The following SNTG1 variants were observed in gnomAD, a reference collection of about 807,000 sequenced individuals.
The protein encoded by SNTG1 is syntrophin gamma 1, also known as gamma-1-syntrophin.
SNTG1 carries 39 observed loss-of-function variants against 74.7 expected under a neutral mutation model. The ratio of observed to expected loss-of-function variants is 0.52; its 90% CI spans 0.40 to 0.68. SNTG1 has a LOEUF of 0.68. SNTG1 is among the 30% of genes least tolerant of loss of function. The pLI is 0.00. For missense variants in SNTG1, 685 were observed against 609.5 expected, an observed-to-expected ratio of 1.12 and a Z score of -1.30; for synonymous variants, 254 against 217.1, an observed-to-expected ratio of 1.17 and a Z score of -1.49.
chr8:50,511,895 G>T (rs1218694983), intron 9 of SNTG1, among the ~76,000 whole-genome samples: 1 of 152,044 alleles, frequency 6.6e-6, no homozygotes, highest in Non-Finnish European at 1.5e-5. Flanking sequence ...TCTTTTAATT[G>T]GAGCATTTAG....
chr8:50,458,213 G>T (rs2093526183), intron 8 of SNTG1: 2 of 144,258 alleles, frequency 1.4e-5, no homozygotes, highest in Non-Finnish European at 3.1e-5. Context: ...AAAAAAAACT[G>T]AGGAAACAGA....
At chr8:49,916,374 T>C (rs1159973607) in intron 1 of SNTG1, among the ~76,000 whole-genome samples, 1 of 152,192 alleles carries the variant, frequency 6.6e-6, no homozygotes, top group African/African-American at 2.4e-5. Flanking sequence ...GAAAATCATT[T>C]TGGGTCTCCT....
intron 2 of SNTG1, among the ~76,000 whole-genome samples, chr8:50,330,173 T>TGATA (rs1348618601): frequency 1.3e-5 from 2 of 152,154 alleles, no homozygotes; most frequent in Non-Finnish European, 2.9e-5. Context: ...GCTGTTCCTG[T>TGATA]GATAGTGAGT....
At chr8:50,215,092 G>GTCA (rs2084714685) in intron 2 of SNTG1, among the ~76,000 whole-genome samples, 1 of 152,024 alleles carries the variant, frequency 6.6e-6, no homozygotes, top group Non-Finnish European at 1.5e-5. Flanking sequence ...CCACCAGATG[G>GTCA]CCACATGTGC....
intron 15 of SNTG1, among the ~76,000 whole-genome samples, chr8:50,676,181 T>C (rs927347222): frequency 7.2e-5 from 11 of 152,058 alleles, no homozygotes. Context: ...GTGGCCTTTC[T>C]TGCTAGATTG....
intron 1 of SNTG1, among the ~76,000 whole-genome samples, chr8:49,975,784 T>G (rs1201139624): frequency 1.3e-5 from 2 of 151,754 alleles, no homozygotes; most frequent in African/African-American, 4.8e-5. Flanking sequence ...TGTGTGTGTG[T>G]GTGTGTGTAA....
intron 1 of SNTG1, among the ~76,000 whole-genome samples, chr8:50,167,622 C>A (rs1191499957): frequency 6.6e-6 from 1 of 150,392 alleles, no homozygotes; most frequent in Non-Finnish European, 1.5e-5. Flanking sequence ...CAGAACAAAA[C>A]CTCATCGCTA....
At chr8:50,751,861 T>TTTTAAA in intron 17 of SNTG1, 140 bp from the exon 18 acceptor site, 1 of 452,932 alleles carries the variant, frequency 2.2e-6, no homozygotes, top group Non-Finnish European at 3.9e-6. Flanking sequence ...TGATAAATAT[T>TTTTAAA]TTTAAATTTC....
At chr8:50,647,164 C>T (rs1412551047) in intron 13 of SNTG1, among the ~76,000 whole-genome samples, 1 of 152,050 alleles carries the variant, frequency 6.6e-6, no homozygotes, top group East Asian at 1.9e-4. Flanking sequence ...GATGACTTCT[C>T]AGATACAACA....
intron 2 of SNTG1, among the ~76,000 whole-genome samples, chr8:50,335,381 G>GT (rs1167974601): frequency 2.0e-5 from 3 of 152,226 alleles, no homozygotes; most frequent in Non-Finnish European, 4.4e-5. Context: ...GCAGAGCACT[G>GT]TTTCCTGTTC....
intron 2 of SNTG1, among the ~76,000 whole-genome samples, chr8:50,360,559 C>A (rs988589057): frequency 2.0e-5 from 3 of 151,968 alleles, no homozygotes; most frequent in Non-Finnish European, 4.4e-5. Flanking sequence ...TGCTGTTGTG[C>A]CAATATCAGT....
chr8:50,597,407 A>ATATATACG (rs2094738148), intron 13 of SNTG1, among the ~76,000 whole-genome samples: 1 of 148,450 alleles, frequency 6.7e-6, no homozygotes, highest in South Asian at 2.1e-4. Context: ...ACATATATAC[A>ATATATACG]TATATACATA....
intron 2 of SNTG1, among the ~76,000 whole-genome samples, chr8:50,247,916 T>G (rs534582055): frequency 9.2e-5 from 14 of 152,220 alleles, no homozygotes; most frequent in Middle Eastern, 6.8e-3. Flanking sequence ...AAGTCTGAGA[T>G]CAAGTTGTTG....
chr8:50,406,517 G>A (rs2092878172), intron 4 of SNTG1, among the ~76,000 whole-genome samples: 1 of 152,044 alleles, frequency 6.6e-6, no homozygotes, highest in African/African-American at 2.4e-5. Flanking sequence ...AAATTTGGAT[G>A]ACTATTATTT....
intron 12 of SNTG1, among the ~76,000 whole-genome samples, chr8:50,559,324 A>T (rs1223972449): frequency 1.3e-5 from 2 of 152,234 alleles, no homozygotes; most frequent in Non-Finnish European, 2.9e-5. Flanking sequence ...AAATTTTGTT[A>T]TGTCAAAATG....
At chr8:50,233,728 A>G (rs1268687845) in intron 2 of SNTG1, among the ~76,000 whole-genome samples, 1 of 26,630 alleles carries the variant, frequency 3.8e-5, no homozygotes, top group African/African-American at 4.7e-5. Context: ...CACTAATTAG[A>G]AAATGGAAAA....
At chr8:50,693,403 G>T (rs528181294) in intron 15 of SNTG1, among the ~76,000 whole-genome samples, 44 of 151,970 alleles carry the variant, frequency 2.9e-4, no homozygotes, top group African/African-American at 8.5e-4. Flanking sequence ...CTCCTCCCCC[G>T]GGATAAGTTC....
In SNTG1 at chr8:50,355,212, G is replaced by A. The variant is rs796706099; in HGVS notation, c.-27-39000G>A. The stretch of plus-strand genomic sequence containing the variant: ...AGCAACTGAGAAAAAATTAAGCCAA[G>A]CAGCTATGTAGTGAAACACTTGGAA... On this transcript the variant is annotated intron_variant, in intron 2 of 18. Coordinates refer to ENST00000642720, the MANE Select transcript of SNTG1 (RefSeq NM_018967.5). Among the ~76,000 whole-genome samples, 13 of 151,790 alleles carry A rather than the reference G, an allele frequency of 8.6e-5. 1 individual carries two copies. The highest frequency in any genetic ancestry group is 3.1e-4 in the African/African-American group (13 of 41,328).
intron 2 of SNTG1, among the ~76,000 whole-genome samples, chr8:50,204,621 C>A (rs940843704): frequency 6.6e-6 from 1 of 151,982 alleles, no homozygotes; most frequent in African/African-American, 2.4e-5. Flanking sequence ...GCACAACATG[C>A]AGGTTTGTTA....
Sources: gnomAD v4.1 joint callset for allele counts (sites outside exome capture counted in the v4.1 genomes callset) on GRCh38, gnomAD v4.1.1 for gene constraint, MANE v1.5 for transcripts, NCBI Gene and HGNC (gene_info 2026-07-23, HGNC 2026-07-21) for gene names.